ZNF354B: variants seen among roughly 807,000 people sequenced by gnomAD.
ZNF354B encodes zinc finger protein 354B.
A neutral mutation model predicts 12.9 loss-of-function variants in ZNF354B; 10 were observed. The ratio of observed to expected loss-of-function variants is 0.77; its 90% confidence interval spans 0.48 to 1.31. The LOEUF (loss-of-function observed/expected upper bound fraction) is 1.31. Ranked by LOEUF, ZNF354B falls within the 40% of genes most tolerant of loss-of-function variation. The probability of loss-of-function intolerance (pLI) is 0.00; values close to 1 mark genes in which losing one functional copy is unlikely to be tolerated. For missense variants in ZNF354B, 614 were observed against 711.7 expected (o/e 0.86, Z 1.56); for synonymous variants, 260 against 243.7 (o/e 1.07, Z -0.62).
At chr5:178,869,870 C>T (rs908610413) in intron 4 of ZNF354B, among the ~76,000 whole-genome samples, 5 of 152,168 alleles carry the variant, frequency 3.3e-5, no homozygotes, top group African/African-American at 1.2e-4. Flanking sequence ...CTCTGCTGCA[C>T]CCCTGGTGGG....
chr5:178,863,301 C>T (rs60417551), intron 2 of ZNF354B, among the ~76,000 whole-genome samples: 22,555 of 151,924 alleles, frequency 0.15, 2,052 homozygotes, highest in African/African-American at 0.25. Flanking sequence ...TATATATGTG[C>T]ATATGTATGT....
chr5:178,862,297 C>T (rs1757369250), intron 2 of ZNF354B, among the ~76,000 whole-genome samples: 1 of 150,306 alleles, frequency 6.7e-6, no homozygotes, highest in South Asian at 2.1e-4. Flanking sequence ...CCCTGTGGTG[C>T]GTCTTTCAGA....
intron 4 of ZNF354B, 127 bp downstream of exon 4, chr5:178,867,198 G>A (rs35984063): frequency 0.24 from 209,019 of 870,114 alleles, 25,843 homozygotes; most frequent in Non-Finnish European, 0.26. Context: ...GTGGGGAAGC[G>A]GAAGCCCAGG....
At chr5:178,861,667 C>CAGG (rs1554102975) in intron 2 of ZNF354B, among the ~76,000 whole-genome samples, 1 of 151,686 alleles carries the variant, frequency 6.6e-6, no homozygotes, top group Non-Finnish European at 1.5e-5. Context: ...TCGCAGGACA[C>CAGG]AGAAGACCCC....
intron 4 of ZNF354B, among the ~76,000 whole-genome samples, chr5:178,875,399 G>A (rs1757622083): frequency 6.6e-6 from 1 of 152,194 alleles, no homozygotes; most frequent in Non-Finnish European, 1.5e-5. Flanking sequence ...AGATGGGGAA[G>A]GAGGCCCTGC....
rs764352593 is a variant in ZNF354B at position 178,883,369 on chromosome 5, C to G, written c.917C>G (p.Ser306Cys). ...KCYRCKECGK[S>C]FSRRSGLFIH... ...TATAGATGTAAAGAATGTGGTAAAT[C>G]CTTCAGTCGAAGGTCTGGGCTTTTT... Residue 306 changes from serine (S) to cysteine (C), a missense_variant, in exon 5 of 5, where the codon TCC (serine) becomes TGC (cysteine). Coordinates refer to ENST00000322434, the MANE Select transcript of ZNF354B (RefSeq NM_058230.3). The G allele has an allele frequency of 6.2e-7, 1 of 1,613,980 alleles. No individual in the cohort carries two copies. The highest frequency in any genetic ancestry group is 1.1e-5 in the South Asian group (1 of 91,058).
chr5:178,866,435 G>C, intron 3 of ZNF354B, 65 bp downstream of exon 3: 1 of 1,550,686 alleles, frequency 6.4e-7, no homozygotes, highest in Non-Finnish European at 8.7e-7. Flanking sequence ...CTCCTTCCCT[G>C]AATAAAAGCA....
chr5:178,883,489 A>C lies in ZNF354B; in HGVS notation c.1037A>C (p.Lys346Thr). ...AGCACTTCCCTTTCTGGAAGTCAGAAAATTCATCTCAGAAAGAAGTCCTAC... is the reference window on the plus strand; with the variant it reads ...AGCACTTCCCTTTCTGGAAGTCAGACAATTCATCTCAGAAAGAAGTCCTAC... Reference protein sequence around the residue: ...SYSTSLSGSQKIHLRKKSYLC... With the variant: ...SYSTSLSGSQTIHLRKKSYLC... The change falls in exon 5 of 5, where the codon AAA becomes ACA. Residue 346 changes from lysine to threonine, a missense_variant. Coordinates refer to ENST00000322434, the MANE Select transcript of ZNF354B (RefSeq NM_058230.3). 1 of 1,614,138 alleles carries C rather than the reference A, an allele frequency of 6.2e-7. No homozygotes were observed. Among genetic ancestry groups the C allele is most frequent in the Non-Finnish European group, 8.5e-7 (1 of 1,179,988 alleles).
chr5:178,866,491 CAGATCT>C, intron 3 of ZNF354B, 121 bp downstream of exon 3: 1 of 1,403,580 alleles, frequency 7.1e-7, no homozygotes, highest in Non-Finnish European at 9.6e-7. Flanking sequence ...TTGTACAAAT[CAGATCT>C]CTGTAAATAA....
intron 2 of ZNF354B, among the ~76,000 whole-genome samples, chr5:178,862,896 C>G (rs1757384043): frequency 6.6e-6 from 1 of 152,166 alleles, no homozygotes; most frequent in Non-Finnish European, 1.5e-5. Flanking sequence ...ATGTGTAGAC[C>G]TGTGTGTAAA....
In ZNF354B at chr5:178,866,932, A is replaced by G. The variant is rs200811677; in HGVS notation, c.161-44A>G. ...AATCAAGGGATACTTTGTTGTGTCA[A>G]AACGAAGACTGAGACTTTTGTTGTT... is the stretch of plus-strand genomic sequence containing the variant. On this transcript the variant is annotated intron_variant, in intron 3 of 4. Transcript: ENST00000322434. 17 of 1,591,378 alleles carry G rather than the reference A, an allele frequency of 1.1e-5. No homozygotes were observed. The East Asian group carries it at 1.1e-4, about 10-fold the overall frequency.
chr5:178,871,623 G>A (rs1179852623), intron 4 of ZNF354B, among the ~76,000 whole-genome samples: 1 of 152,200 alleles, frequency 6.6e-6, no homozygotes, highest in Non-Finnish European at 1.5e-5. Flanking sequence ...GCCAGGGTAG[G>A]CGTCCAGTTG....
At chr5:178,866,496 CT>C in intron 3 of ZNF354B, 126 bp downstream of exon 3, 1 of 1,385,216 alleles carries the variant, frequency 7.2e-7, no homozygotes, top group South Asian at 1.5e-5. Flanking sequence ...CAAATCAGAT[CT>C]CTGTAAATAA....
rs761809501 is a variant in ZNF354B at position 178,866,332 on chromosome 5, A to T, written c.122A>T (p.Asp41Val). The T allele has an allele frequency of 1.2e-6, 2 of 1,614,038 alleles. No individual in the cohort carries two copies. The highest frequency in any genetic ancestry group is 1.7e-6 in the Non-Finnish European group (2 of 1,179,976). Reference sequence around the variant, plus strand: ...CCTTCTCAGAGAAACTTGTACCGGGATGTGATGCTGGAGAACTATAGGAAC... The same window carrying T: ...CCTTCTCAGAGAAACTTGTACCGGGTTGTGATGCTGGAGAACTATAGGAAC... ...LAPSQRNLYR[D>V]VMLENYRNLV... The change falls in exon 3 of 5, where the codon GAT becomes GTT. Residue 41 changes from aspartate (D) to valine (V), a missense_variant. Coordinates refer to ENST00000322434, the MANE Select transcript of ZNF354B (RefSeq NM_058230.3).
At chr5:178,881,842 C>G (rs1172237532) in intron 4 of ZNF354B, among the ~76,000 whole-genome samples, 2 of 152,150 alleles carry the variant, frequency 1.3e-5, no homozygotes, top group Admixed American at 6.5e-5. Flanking sequence ...TGGGGTTTCA[C>G]TGTGTTGGCC....
In ZNF354B at chr5:178,874,853, A is replaced by G. The variant is rs188388818; in HGVS notation, c.256+7782A>G. 2.0e-3 allele frequency among the ~76,000 whole-genome samples: 302 copies of G among 152,314 alleles called. 1 individual carries two copies. The highest frequency in any genetic ancestry group is 6.9e-3 in the African/African-American group (288 of 41,568). ...ATGATGGTTCTTTTTCATCTGTGTG[A>G]GCTTAATGTTTCATTAACTGTGATG... On this transcript the variant is annotated intron_variant, in intron 4 of 4. Transcript: ENST00000322434.
At chr5:178,876,636 T>C (rs1757642587) in intron 4 of ZNF354B, among the ~76,000 whole-genome samples, 1 of 152,270 alleles carries the variant, frequency 6.6e-6, no homozygotes, top group Admixed American at 6.5e-5. Flanking sequence ...TCTTAAACTT[T>C]GTTGATTTTT....
intron 4 of ZNF354B, among the ~76,000 whole-genome samples, chr5:178,877,200 A>C (rs529455903): frequency 6.6e-6 from 1 of 151,790 alleles, no homozygotes; most frequent in East Asian, 1.9e-4. Context: ...ATGGAGTCTT[A>C]CTCTGTCACC....
rs528012784 is a variant in ZNF354B at position 178,860,785 on chromosome 5, C to T, written c.-51-212C>T. On this transcript the variant is annotated intron_variant, in intron 1 of 4. Coordinates refer to ENST00000322434, the MANE Select transcript of ZNF354B (RefSeq NM_058230.3). ...GCTCAGCGGGTCGCTGCTGCCACTG[C>T]GGGTCCAGCGTCCCCTCCGTAAGCC... 4.8e-4 allele frequency: 222 copies of T among 461,030 alleles called. 14 individuals are homozygous for T. Among genetic ancestry groups the T allele is most frequent in the South Asian group, 3.8e-3 (173 of 45,276 alleles). The allele number at this position is 461,030 out of a possible 1,614,324, so 28.6% of individuals were successfully genotyped here.
Sources: allele counts gnomAD v4.1 joint callset (sites outside exome capture counted in the v4.1 genomes callset), GRCh38; gene constraint gnomAD v4.1.1; transcripts MANE v1.5; gene names NCBI Gene and HGNC (gene_info 2026-07-23, HGNC 2026-07-21).